The following KCNQ5 variants were observed in gnomAD, a reference collection of about 807,000 sequenced individuals.
KCNQ5 encodes the protein potassium voltage-gated channel subfamily KQT member 5.
Under a neutral mutation model 98.2 loss-of-function variants are expected in KCNQ5, and 30 were observed. That is an observed-to-expected ratio of 0.31 (90% CI 0.23 to 0.41). The LOEUF is 0.41. Ranked by LOEUF, KCNQ5 falls within the 10% of genes least tolerant of loss-of-function variation. The probability of loss-of-function intolerance (pLI) is 1.00; values close to 1 mark genes in which losing one functional copy is unlikely to be tolerated. For missense variants in KCNQ5, 835 were observed against 1,182.5 expected (o/e 0.71, Z 4.31); for synonymous variants, 458 against 449.4 (o/e 1.02, Z -0.24).
rs756540036 is a variant in KCNQ5, at chr6:73,192,562, T to C, written c.1710-3T>C. On this transcript the variant is annotated splice_polypyrimidine_tract_variant and splice_region_variant and intron_variant, in intron 12 of 13. Transcript: ENST00000370398. ...ATAATCAGATCTCCTCTTTCTCTGA[T>C]AGTGTTGATCAAATTCTTGGAAAAG... 8.7e-6 allele frequency: 14 copies of C among 1,606,324 alleles called. No individual in the cohort carries two copies. The highest frequency in any genetic ancestry group is 1.1e-5 in the Non-Finnish European group (13 of 1,176,282).
intron 5 of KCNQ5, among the ~76,000 whole-genome samples, chr6:73,104,804 G>C (rs1774936370): frequency 6.6e-6 from 1 of 152,068 alleles, no homozygotes; most frequent in African/African-American, 2.4e-5. Context: ...AAATATCTTA[G>C]GACAAGAACT....
chr6:72,829,430 C>G (rs540995831), intron 1 of KCNQ5, among the ~76,000 whole-genome samples: 33 of 143,008 alleles, frequency 2.3e-4, no homozygotes, highest in African/African-American at 9.0e-4. Context: ...TTGAAAGTGT[C>G]TCTCTCTCTC....
intron 1 of KCNQ5, among the ~76,000 whole-genome samples, chr6:72,998,229 C>G (rs1265064780): frequency 6.6e-6 from 1 of 152,160 alleles, no homozygotes; most frequent in African/African-American, 2.4e-5. Context: ...CAGGCATACT[C>G]CAGTCATCAT....
chr6:72,742,925 A>G (rs117515973), intron 1 of KCNQ5, among the ~76,000 whole-genome samples: 8 of 152,322 alleles, frequency 5.3e-5, no homozygotes, highest in East Asian at 3.9e-4. Flanking sequence ...TGTTCCTTAT[A>G]CTGTAACTAA....
intron 1 of KCNQ5, among the ~76,000 whole-genome samples, chr6:72,780,343 C>T (rs1250941943): frequency 1.3e-5 from 2 of 152,156 alleles, no homozygotes; most frequent in Non-Finnish European, 2.9e-5. Flanking sequence ...CCTGAGAAAA[C>T]TCCTAATGCA....
intron 1 of KCNQ5, among the ~76,000 whole-genome samples, chr6:72,688,486 G>GTC (rs1433555578): frequency 1.3e-5 from 2 of 152,060 alleles, no homozygotes; most frequent in Non-Finnish European, 2.9e-5. Context: ...AATTTACAGG[G>GTC]TCTCTGTGGC....
intron 1 of KCNQ5, among the ~76,000 whole-genome samples, chr6:72,623,391 A>G (rs77235905): frequency 7.0e-6 from 1 of 143,042 alleles, no homozygotes; most frequent in Admixed American, 6.9e-5. Flanking sequence ...GGAGTCAAAG[A>G]GTGTGTGTGT....
chr6:73,192,800 C>CA (rs1166226757), intron 13 of KCNQ5, 109 bp downstream of exon 13: 1 of 978,898 alleles, frequency 1.0e-6, no homozygotes, highest in Non-Finnish European at 1.4e-6. Context: ...AATAAAATCA[C>CA]AAAAAGAGTG....
chr6:72,810,868 G>A (rs1282893939), intron 1 of KCNQ5, among the ~76,000 whole-genome samples: 1 of 152,206 alleles, frequency 6.6e-6, no homozygotes, highest in East Asian at 1.9e-4. Flanking sequence ...TGGAGGGTTA[G>A]TATCTTTTAA....
At chr6:72,933,870 G>A (rs1765788635) in intron 1 of KCNQ5, among the ~76,000 whole-genome samples, 1 of 152,000 alleles carries the variant, frequency 6.6e-6, no homozygotes, top group Non-Finnish European at 1.5e-5. Flanking sequence ...CTAGTTTTAG[G>A]CAAGGTCCCT....
chr6:73,173,580 G>A (rs1394322168), intron 11 of KCNQ5, among the ~76,000 whole-genome samples: 2 of 152,090 alleles, frequency 1.3e-5, no homozygotes, highest in African/African-American at 4.8e-5. Context: ...GCTAGTACTT[G>A]GCTTTGTAGT....
chr6:72,650,653 G>C (rs963180718), intron 1 of KCNQ5, among the ~76,000 whole-genome samples: 2 of 152,106 alleles, frequency 1.3e-5, no homozygotes, highest in Non-Finnish European at 2.9e-5. Context: ...GGGGGAGTGG[G>C]TAGGATATAT....
intron 1 of KCNQ5, among the ~76,000 whole-genome samples, chr6:72,746,749 G>A (rs892151079): frequency 1.3e-5 from 2 of 152,014 alleles, no homozygotes; most frequent in Admixed American, 1.3e-4. Flanking sequence ...ATTTCATTGA[G>A]GATAATAAAT....
Position 73,194,538 on chromosome 6 carries a change from G to A in KCNQ5, c.1923G>A (p.Leu641=). Residue 641 remains leucine (L), a synonymous_variant, in exon 14 of 14, where the codon TTG becomes TTA. Coordinates refer to ENST00000370398, the MANE Select transcript of KCNQ5 (RefSeq NM_019842.4). ...AAGGCTCTGCCTCAGCCCTCGCTTT[G>A]GCTTCATTCCAGATCCCACCTTTTG... is the stretch of plus-strand genomic sequence containing the variant. ...LRKGSASALA[L]ASFQIPPFEC... 6.2e-7 allele frequency: 1 copy of A among 1,614,142 alleles called. No individual in the cohort carries two copies. The highest frequency in any genetic ancestry group is 1.1e-5 in the South Asian group (1 of 91,066).
intron 2 of KCNQ5, among the ~76,000 whole-genome samples, chr6:73,024,534 T>C (rs1770787254): frequency 6.6e-6 from 1 of 152,060 alleles, no homozygotes; most frequent in Admixed American, 6.5e-5. Context: ...TCATCTGAAA[T>C]GAGGGATTGC....
intron 1 of KCNQ5, among the ~76,000 whole-genome samples, chr6:72,829,411 A>C (rs886495057): frequency 2.0e-5 from 3 of 151,924 alleles, no homozygotes; most frequent in Non-Finnish European, 4.4e-5. Context: ...AAATGACTTT[A>C]CCACAGTGTT....
chr6:73,107,110 T>C (rs943831242), intron 6 of KCNQ5, among the ~76,000 whole-genome samples: 9 of 152,358 alleles, frequency 5.9e-5, no homozygotes, highest in Middle Eastern at 6.8e-3. Context: ...TCTTGGGTTT[T>C]TTCCCAAAAT....
intron 1 of KCNQ5, among the ~76,000 whole-genome samples, chr6:72,705,955 A>G (rs1051811719): frequency 3.9e-5 from 6 of 152,108 alleles, no homozygotes; most frequent in Non-Finnish European, 8.8e-5. Flanking sequence ...TTTAAACGAA[A>G]GAAAAAATAA....
intron 3 of KCNQ5, among the ~76,000 whole-genome samples, chr6:73,075,503 G>A (rs1344957843): frequency 6.6e-6 from 1 of 152,162 alleles, no homozygotes; most frequent in South Asian, 2.1e-4. Flanking sequence ...TTACAAGTGT[G>A]AGCCACTGCG....
Sources: allele counts gnomAD v4.1 joint callset (sites outside exome capture counted in the v4.1 genomes callset), GRCh38; gene constraint gnomAD v4.1.1; transcripts MANE v1.5; gene names NCBI Gene and HGNC (gene_info 2026-07-23, HGNC 2026-07-21).